Variants in PDZD2 observed in about 807,000 individuals in gnomAD.
PDZD2 encodes the protein PDZ domain-containing protein 2.
Under a neutral mutation model 220.7 loss-of-function variants are expected in PDZD2, and 90 were observed. The ratio of observed to expected loss-of-function variants is 0.41; its 90% CI spans 0.34 to 0.49. The LOEUF is 0.49. Ranked by LOEUF, PDZD2 falls within the 20% of genes least tolerant of loss-of-function variation. The pLI is 0.28. For synonymous variants in PDZD2, 1,375 were observed against 1,450.5 expected, an observed-to-expected ratio of 0.95 and a Z score of 1.18; for missense variants, 3,174 against 3,608.5, an observed-to-expected ratio of 0.88 and a Z score of 3.08.
chr5:32,065,411 G>A (rs1740123730), intron 14 of PDZD2, among the ~76,000 whole-genome samples: 1 of 152,224 alleles, frequency 6.6e-6, no homozygotes, highest in African/African-American at 2.4e-5. Context: ...TACTGTGCTT[G>A]ATGGACTGGT....
chr5:31,745,545 ATCAC>A (rs1403501441), intron 1 of PDZD2, among the ~76,000 whole-genome samples: 25 of 152,308 alleles, frequency 1.6e-4, no homozygotes, highest in African/African-American at 5.5e-4. Flanking sequence ...TGAAGCCCAA[ATCAC>A]CTTCGCTCAT....
At chr5:31,696,325 G>T (rs1458815608) in intron 1 of PDZD2, among the ~76,000 whole-genome samples, 1 of 151,982 alleles carries the variant, frequency 6.6e-6, no homozygotes, top group Non-Finnish European at 1.5e-5. Context: ...TGAGAGATAG[G>T]GTCTCACTCT....
In PDZD2 at chr5:31,748,397, A is replaced by G. The variant is rs545673763; in HGVS notation, c.-360-50492A>G. Among the ~76,000 whole-genome samples the G allele has an allele frequency of 1.4e-4, 22 of 152,306 alleles. 1 individual carries two copies. The highest frequency in any genetic ancestry group is 5.1e-4 in the African/African-American group (21 of 41,564). On this transcript the variant is annotated intron_variant, in intron 1 of 24. Coordinates refer to ENST00000438447, the MANE Select transcript of PDZD2 (RefSeq NM_178140.4). ...AGCCACTCCCCATTCTTCATCTGTA[A>G]AGTGGCTGGGGGAACCAAATCAGTG...
At chr5:31,723,273 T>C (rs1748911764) in intron 1 of PDZD2, among the ~76,000 whole-genome samples, 1 of 152,076 alleles carries the variant, frequency 6.6e-6, no homozygotes, top group African/African-American at 2.4e-5. Flanking sequence ...GAATCATTTC[T>C]CCATGATAAT....
chr5:31,824,403 A>G (rs779791475), intron 2 of PDZD2, among the ~76,000 whole-genome samples: 3 of 152,130 alleles, frequency 2.0e-5, no homozygotes, highest in Non-Finnish European at 4.4e-5. Context: ...TCATTTACTC[A>G]TTGTTTTGCA....
chr5:31,849,655 C>T (rs1279256326), intron 2 of PDZD2, among the ~76,000 whole-genome samples: 2 of 151,692 alleles, frequency 1.3e-5, no homozygotes, highest in Admixed American at 6.6e-5. Context: ...ATCTGCCTGA[C>T]CAACATGGTG....
intron 7 of PDZD2, among the ~76,000 whole-genome samples, chr5:32,046,846 C>A (rs1738022877): frequency 6.6e-6 from 1 of 152,076 alleles, no homozygotes; most frequent in Non-Finnish European, 1.5e-5. Context: ...AGTTCAAGAC[C>A]AGCCTGGCCA....
intron 2 of PDZD2, chr5:31,848,148 A>G (rs1580881402): frequency 7.5e-6 from 2 of 268,268 alleles, no homozygotes; most frequent in East Asian, 1.8e-4. Flanking sequence ...CGGGCTACTA[A>G]GACCTAAACC....
chr5:31,983,262 C>T lies in PDZD2; in HGVS notation c.584C>T (p.Ser195Phe). The change falls in exon 3 of 25, where the codon TCT becomes TTT. Residue 195 changes from serine to phenylalanine, a missense_variant. This residue lies in a region of PDZD2 where 632 missense variants were observed against 708.1 expected (regional missense o/e 0.89). Transcript: ENST00000438447. ...TATAATGGCAACAGTAGCAACAGCT[C>T]TGAACCAGGAGAAACACCTACCTTG... is the stretch of plus-strand genomic sequence containing the variant. ...STYNGNSSNS[S>F]EPGETPTLEL... 6.2e-7 allele frequency: 1 copy of T among 1,614,218 alleles called. No homozygotes were observed. Among genetic ancestry groups the T allele is most frequent in the Non-Finnish European group, 8.5e-7 (1 of 1,180,040 alleles).
intron 6 of PDZD2, among the ~76,000 whole-genome samples, chr5:32,027,156 G>C (rs926972874): frequency 1.3e-5 from 2 of 151,972 alleles, no homozygotes; most frequent in Admixed American, 6.6e-5. Context: ...CACCCGCCTC[G>C]GCCTCCCAAA....
rs529687239 is a variant in PDZD2, at chr5:31,719,967, G to T, written c.-360-78922G>T. On this transcript the variant is annotated intron_variant, in intron 1 of 24. Coordinates refer to ENST00000438447, the MANE Select transcript of PDZD2 (RefSeq NM_178140.4). Reference sequence around the variant, plus strand: ...AGCAGCTCCAGCAGAGGCAGAATTGGCCTGGAAGCAAAGCAGCCAGTCCAG... The same window carrying T: ...AGCAGCTCCAGCAGAGGCAGAATTGTCCTGGAAGCAAAGCAGCCAGTCCAG... Among the ~76,000 whole-genome samples the T allele has an allele frequency of 2.6e-5, 4 of 152,342 alleles. No individual in the cohort carries two copies. The East Asian group carries it at 7.7e-4, about 29-fold the overall frequency.
At chr5:31,774,551 T>C (rs1316713132) in intron 1 of PDZD2, among the ~76,000 whole-genome samples, 3 of 151,846 alleles carry the variant, frequency 2.0e-5, no homozygotes, top group Non-Finnish European at 4.4e-5. Context: ...CTATCTCGAC[T>C]AAAAATACAA....
In PDZD2 at chr5:31,816,796, T is replaced by C. The variant is rs573583421; in HGVS notation, c.476+17072T>C. ...GGATAGGGTTGGAAAATGACTATTA[T>C]GATTGATTAAATCATAATCAATGCC... On this transcript the variant is annotated intron_variant, in intron 2 of 24. Transcript: ENST00000438447. Among the ~76,000 whole-genome samples the C allele has an allele frequency of 3.3e-5, 5 of 152,348 alleles. 1 individual carries two copies. The South Asian group carries it at 1.0e-3, about 32-fold the overall frequency.
chr5:31,860,131 C>CT (rs35988639), intron 2 of PDZD2, among the ~76,000 whole-genome samples: 16,430 of 152,100 alleles, frequency 0.11, 1,273 homozygotes, highest in East Asian at 0.41. Flanking sequence ...GACTTGAAGT[C>CT]TAACTATTTG....
At chr5:31,746,914 G>A (rs772810556) in intron 1 of PDZD2, among the ~76,000 whole-genome samples, 39 of 152,340 alleles carry the variant, frequency 2.6e-4, no homozygotes, top group Non-Finnish European at 2.5e-4. Flanking sequence ...GGTGGCTCAC[G>A]CCTGTAATCT....
At chr5:31,974,703 G>A (rs1749591748) in intron 2 of PDZD2, among the ~76,000 whole-genome samples, 1 of 152,136 alleles carries the variant, frequency 6.6e-6, no homozygotes, top group South Asian at 2.1e-4. Context: ...TTCCTTCAGG[G>A]CAGTATGGAC....
rs1171348318 is a variant in PDZD2, at chr5:31,799,358, C to T, written c.110C>T (p.Ala37Val). Reference protein sequence around the residue: ...GDGPEQRLCQAAIQKLQEYIQ... With the variant: ...GDGPEQRLCQVAIQKLQEYIQ... Reference sequence around the variant, plus strand: ...GGGCCGGAGCAGCGGCTCTGCCAGGCGGCCATCCAGAAGCTGCAGGAGTAC... The same window carrying T: ...GGGCCGGAGCAGCGGCTCTGCCAGGTGGCCATCCAGAAGCTGCAGGAGTAC... The change falls in exon 2 of 25, where the codon GCG (alanine) becomes GTG (valine). Residue 37 changes from alanine (A) to valine (V), a missense_variant. Ala to Val is a moderately conservative substitution (Grantham distance 64). Transcript: ENST00000438447. 8 of 1,614,132 alleles carry T rather than the reference C, an allele frequency of 5.0e-6. No individual in the cohort carries two copies. Among genetic ancestry groups the T allele is most frequent in the Middle Eastern group, 1.6e-4 (1 of 6,062 alleles).
chr5:31,649,712 A>G (rs1378774436), intron 1 of PDZD2, among the ~76,000 whole-genome samples: 1 of 152,096 alleles, frequency 6.6e-6, no homozygotes, highest in Non-Finnish European at 1.5e-5. Flanking sequence ...AGGCAGGCAG[A>G]TCACGAGGTC....
intron 14 of PDZD2, among the ~76,000 whole-genome samples, chr5:32,065,807 CT>C (rs1240001860): frequency 6.6e-6 from 1 of 151,882 alleles, no homozygotes; most frequent in Non-Finnish European, 1.5e-5. Context: ...GGTGGATCGC[CT>C]GCGATCAGGA....
Sources: gnomAD v4.1 joint callset for allele counts (sites outside exome capture counted in the v4.1 genomes callset) on GRCh38, gnomAD v4.1.1 for gene constraint, gnomAD v4.1.1 regional missense constraint, MANE v1.5 for transcripts, NCBI Gene and HGNC (gene_info 2026-07-23, HGNC 2026-07-21) for gene names.